Variants in ADAM17 observed in about 807,000 individuals in gnomAD.
The protein encoded by ADAM17 is disintegrin and metalloproteinase domain-containing protein 17.
Under a neutral mutation model 96.7 loss-of-function variants are expected in ADAM17, and 39 were observed. The ratio of observed to expected loss-of-function variants is 0.40; its 90% confidence interval spans 0.31 to 0.53. ADAM17 has a LOEUF of 0.53. Among genes scored for constraint, ADAM17 ranks in the 20% least tolerant of loss-of-function variants. The pLI, the probability that ADAM17 is intolerant of heterozygous loss-of-function variation, is 0.44. For synonymous variants in ADAM17, 344 were observed against 359.2 expected, an observed-to-expected ratio of 0.96 and a Z score of 0.48; for missense variants, 777 against 1,013.2, an observed-to-expected ratio of 0.77 and a Z score of 3.17.
intron 1 of ADAM17, among the ~76,000 whole-genome samples, chr2:9,553,772 C>A (rs1328609603): frequency 6.6e-6 from 1 of 150,780 alleles, no homozygotes; most frequent in African/African-American, 2.4e-5. Context: ...AAATAAAAAA[C>A]AAACACATGG....
intron 1 of ADAM17, 68 bp downstream of exon 1, chr2:9,555,441 G>T: frequency 7.4e-7 from 1 of 1,354,704 alleles, no homozygotes; most frequent in Non-Finnish European, 9.9e-7. Flanking sequence ...GATAGACCCA[G>T]CTCCCCTGCT....
chr2:9,513,471 G>C (rs1663854981), intron 10 of ADAM17, among the ~76,000 whole-genome samples: 1 of 152,172 alleles, frequency 6.6e-6, no homozygotes. Context: ...CTGGTGGGGA[G>C]GAGGGAACAG....
chr2:9,525,299 GAAAAAA>G (rs374286925), intron 6 of ADAM17, among the ~76,000 whole-genome samples: 1 of 123,360 alleles, frequency 8.1e-6, no homozygotes, highest in Non-Finnish European at 1.7e-5. Context: ...ACTCTGTGTT[GAAAAAA>G]AAAAAAAAAA....
At chr2:9,541,867 T>C (rs560576742) in intron 2 of ADAM17, among the ~76,000 whole-genome samples, 1 of 151,718 alleles carries the variant, frequency 6.6e-6, no homozygotes, top group African/African-American at 2.4e-5. Flanking sequence ...GGTGAAACTC[T>C]GTCTCTACTA....
intron 13 of ADAM17, among the ~76,000 whole-genome samples, chr2:9,499,689 A>C (rs759303749): frequency 9.9e-5 from 15 of 152,180 alleles, no homozygotes; most frequent in Non-Finnish European, 1.5e-4. Flanking sequence ...GGTGTGAGCC[A>C]CTGTGCCGGG....
rs1409123369 is a variant in ADAM17, at chr2:9,492,933, A to G, written c.2047T>C (p.Phe683Leu). ...VGSVLVFSLI[F>L]WIPFSILVHC... ...ACAAGAATGCTGAAAGGAATCCAAA[A>G]TATCAAGGAGAAAACCAGGACAGAC... Residue 683 changes from phenylalanine to leucine, a missense_variant, in exon 17 of 19, where the codon TTT becomes CTT. Phe to Leu is a conservative substitution (Grantham distance 22). Transcript: ENST00000310823. 5 of 1,613,178 alleles carry G rather than the reference A, an allele frequency of 3.1e-6. No individual in the cohort carries two copies. The East Asian group carries it at 6.7e-5, about 22-fold the overall frequency.
At chr2:9,531,914 C>T (rs750200625) in intron 4 of ADAM17, among the ~76,000 whole-genome samples, 1 of 152,122 alleles carries the variant, frequency 6.6e-6, no homozygotes, top group Non-Finnish European at 1.5e-5. Context: ...CTGGGCAACA[C>T]AGTGAGACCT....
chr2:9,547,670 A>G (rs1384264754), intron 1 of ADAM17, among the ~76,000 whole-genome samples: 2 of 152,186 alleles, frequency 1.3e-5, no homozygotes, highest in Non-Finnish European at 2.9e-5. Flanking sequence ...GAGGCTGGAG[A>G]GTCAGGCACT....
At position 9,526,380 on chromosome 2, in the gene ADAM17, C is replaced by A. The variant is rs575649971; in HGVS notation, c.620-136G>T. On this transcript the variant is annotated intron_variant, in intron 5 of 18. Coordinates refer to ENST00000310823, the MANE Select transcript of ADAM17 (RefSeq NM_003183.6). Reference sequence around the variant, plus strand: ...ATCACTAAAGGATTCTGAACAACAACAAAAAATAATTTGGAGGAAGACAGA... The same window carrying A: ...ATCACTAAAGGATTCTGAACAACAAAAAAAAATAATTTGGAGGAAGACAGA... 6.7e-6 allele frequency: 6 copies of A among 889,768 alleles called. No homozygotes were observed. The South Asian group carries it at 1.1e-4, about 17-fold the overall frequency. 55.1% of individuals were successfully genotyped at this position (889,768 alleles called of 1,614,324 possible).
At chr2:9,501,198 T>C (rs1330050295) in intron 13 of ADAM17, among the ~76,000 whole-genome samples, 2 of 151,156 alleles carry the variant, frequency 1.3e-5, no homozygotes, top group Non-Finnish European at 2.9e-5. Context: ...AGCTGAAAAA[T>C]ATAAAGAGAT....
chr2:9,518,923 T>A (rs1218721029), intron 8 of ADAM17, among the ~76,000 whole-genome samples: 4 of 151,864 alleles, frequency 2.6e-5, no homozygotes, highest in Non-Finnish European at 5.9e-5. Context: ...TTATTTTGCT[T>A]GAGACAGGGT....
intron 6 of ADAM17, among the ~76,000 whole-genome samples, chr2:9,524,734 A>C (rs1448304161): frequency 1.3e-5 from 2 of 152,254 alleles, no homozygotes; most frequent in Non-Finnish European, 2.9e-5. Context: ...GAAGACAGCC[A>C]GAAAGAACAA....
chr2:9,543,812 C>A (rs1240880155), intron 1 of ADAM17, among the ~76,000 whole-genome samples: 1 of 151,964 alleles, frequency 6.6e-6, no homozygotes, highest in Non-Finnish European at 1.5e-5. Context: ...GTTAGTGTTA[C>A]AAAAATACAG....
At chr2:9,547,366 A>G (rs1281266784) in intron 1 of ADAM17, among the ~76,000 whole-genome samples, 1 of 152,230 alleles carries the variant, frequency 6.6e-6, no homozygotes. Context: ...AGGAAAGACC[A>G]AAATTATTAT....
chr2:9,491,741 G>C (rs1292907154), intron 17 of ADAM17, among the ~76,000 whole-genome samples: 2 of 152,210 alleles, frequency 1.3e-5, no homozygotes, highest in African/African-American at 4.8e-5. Context: ...AGGTGACAGA[G>C]GGCAAGGACC....
At chr2:9,541,439 T>C (rs1228335296) in intron 2 of ADAM17, among the ~76,000 whole-genome samples, 2 of 152,072 alleles carry the variant, frequency 1.3e-5, no homozygotes, top group Non-Finnish European at 2.9e-5. Context: ...AGTGGGCTCC[T>C]GTAATCCCAG....
intron 10 of ADAM17, among the ~76,000 whole-genome samples, chr2:9,511,382 G>A (rs1029428593): frequency 3.9e-5 from 6 of 151,914 alleles, no homozygotes; most frequent in South Asian, 2.1e-4. Context: ...CCCAGGAGGC[G>A]GAGGTTGCAG....
At chr2:9,519,733 G>A (rs1366958100) in intron 8 of ADAM17, among the ~76,000 whole-genome samples, 1 of 152,158 alleles carries the variant, frequency 6.6e-6, no homozygotes, top group Non-Finnish European at 1.5e-5. Context: ...CACACTGAGG[G>A]AAGGACCATG....
intron 1 of ADAM17, among the ~76,000 whole-genome samples, chr2:9,551,324 C>T (rs1665585610): frequency 6.6e-6 from 1 of 152,082 alleles, no homozygotes; most frequent in Admixed American, 6.5e-5. Flanking sequence ...ACAGATTGAG[C>T]ATCCCTTATC....
Sources: allele counts gnomAD v4.1 joint callset (sites outside exome capture counted in the v4.1 genomes callset), GRCh38; gene constraint gnomAD v4.1.1; transcripts MANE v1.5; gene names NCBI Gene and HGNC (gene_info 2026-07-23, HGNC 2026-07-21).